Variants in SNX19 observed in about 807,000 individuals in gnomAD.
SNX19 encodes sorting nexin-19.
A neutral mutation model predicts 85.2 loss-of-function variants in SNX19; 60 were observed. That is an observed-to-expected ratio of 0.70 (90% CI 0.57 to 0.87). SNX19 has a LOEUF of 0.87. SNX19 is among the 40% of genes least tolerant of loss of function. The probability of loss-of-function intolerance (pLI) is 0.00; values close to 1 mark genes in which losing one functional copy is unlikely to be tolerated. For synonymous variants in SNX19, 520 were observed against 470.0 expected (o/e 1.11, Z -1.38); for missense variants, 1,201 against 1,217.8 (o/e 0.99, Z 0.21).
rs749968366 is a variant in SNX19 at position 130,915,899 on chromosome 11, G to A, written c.41C>T (p.Ala14Val). The A allele has an allele frequency of 1.2e-6, 2 of 1,614,116 alleles. No homozygotes were observed. The highest frequency in any genetic ancestry group is 1.7e-6 in the Non-Finnish European group (2 of 1,179,950). ...GTTATTGAGGTGACAGCTCGATCCA[G>A]CTGGAGTTTCCTGGAACGGTGGCAC... ...ETVPPFQETP[A>V]GSSCHLNNLL... The change falls in exon 1 of 11, where the codon GCT (alanine) becomes GTT (valine). Residue 14 changes from alanine (A) to valine (V), a missense_variant. Ala to Val is a moderately conservative substitution (Grantham distance 64, BLOSUM62 0). Transcript: ENST00000265909.
intron 1 of SNX19, among the ~76,000 whole-genome samples, chr11:130,913,782 T>C (rs1946329981): frequency 6.6e-6 from 1 of 152,202 alleles, no homozygotes; most frequent in Non-Finnish European, 1.5e-5. Context: ...TAAGCAGACT[T>C]GGGAACAACT....
intron 4 of SNX19, 67 bp downstream of exon 4, chr11:130,909,951 C>T (rs1945962100): frequency 2.5e-6 from 4 of 1,598,778 alleles, no homozygotes; most frequent in Non-Finnish European, 2.6e-6. Context: ...AGGACTGCCT[C>T]CATTCTGATG....
chr11:130,877,872 C>T lies in SNX19; in HGVS notation c.*550G>A, dbSNP rs946897654. On this transcript the variant is annotated 3_prime_UTR_variant, in exon 11 of 11. Transcript: ENST00000265909. ...AAGAAGTTCCTTGAAAAATTTTCTT[C>T]CCTCCTTCTTCTTCTGGAACTGTTG... The T allele has an allele frequency of 2.0e-5, 3 of 152,438 alleles. No individual in the cohort carries two copies. Among genetic ancestry groups the T allele is most frequent in the Non-Finnish European group, 4.4e-5 (3 of 68,064 alleles). The allele number at this position is 152,438 out of a possible 1,614,324, so 9.4% of individuals were successfully genotyped here.
At chr11:130,901,019 A>T (rs1945224727) in intron 8 of SNX19, among the ~76,000 whole-genome samples, 1 of 152,224 alleles carries the variant, frequency 6.6e-6, no homozygotes, top group African/African-American at 2.4e-5. Context: ...TCCGGTCCTT[A>T]AAGAACTAAT....
rs778147893 is a variant in SNX19, at chr11:130,910,335, G to T, written c.1849C>A (p.Pro617Thr). 6.2e-7 allele frequency: 1 copy of T among 1,607,820 alleles called. No homozygotes were observed. Among genetic ancestry groups the T allele is most frequent in the African/African-American group, 1.4e-5 (1 of 73,296 alleles). ...KGPKKLFPDLPLGNMDSDRVE... is the reference protein window; with the variant it reads ...KGPKKLFPDLTLGNMDSDRVE... ...CTGTCACTGTCCATGTTTCCCAATGGAAGATCTGGAAAGAGCTTTTTAGGA... is the reference window on the plus strand; with the variant it reads ...CTGTCACTGTCCATGTTTCCCAATGTAAGATCTGGAAAGAGCTTTTTAGGA... The change falls in exon 3 of 11, where the codon CCA becomes ACA. Residue 617 changes from proline to threonine, a missense_variant. By Grantham distance (38) the Pro-to-Thr change is conservative. Around this residue, in one of 3 missense-constraint regions of SNX19, gnomAD observed 125 missense variants for 171.6 expected, o/e 0.73. Transcript: ENST00000265909.
At chr11:130,895,109 G>C (rs555975189) in intron 8 of SNX19, 2 of 985,414 alleles carry the variant, frequency 2.0e-6, no homozygotes, top group Non-Finnish European at 2.4e-6. Context: ...GGGCAGGCTC[G>C]GTGGGGCTTC....
chr11:130,914,389 G>A lies in SNX19; in HGVS notation c.1551C>T (p.Ser517=), dbSNP rs151247230. The A allele has an allele frequency of 1.3e-3, 2,071 of 1,613,814 alleles. 1 individual carries two copies. The highest frequency in any genetic ancestry group is 1.7e-3 in the Non-Finnish European group (1,977 of 1,179,868). ...PPGPLSSATF[S]FEPLSSPDGP... is the part of the protein sequence containing the mutation. ...CATCGGGACTGCTTAGGGGCTCAAA[G>A]CTGAAGGTGGCTGAGCTGAGAGGAC... Residue 517 remains serine (S), a synonymous_variant, in exon 1 of 11, where the codon AGC becomes AGT. Transcript: ENST00000265909.
chr11:130,903,716 T>TACAC (rs35654790), intron 7 of SNX19, among the ~76,000 whole-genome samples: 12,587 of 143,286 alleles, frequency 0.088, 574 homozygotes, highest in East Asian at 0.17. Context: ...TATATACACA[T>TACAC]ACACACACAC....
intron 8 of SNX19, among the ~76,000 whole-genome samples, chr11:130,891,115 T>C (rs563053099): frequency 2.6e-5 from 4 of 152,290 alleles, no homozygotes; most frequent in African/African-American, 9.6e-5. Context: ...AGGAAGACAA[T>C]TATAGATTTT....
intron 2 of SNX19, among the ~76,000 whole-genome samples, chr11:130,910,696 C>T (rs1236290794): frequency 2.0e-5 from 3 of 152,162 alleles, no homozygotes; most frequent in Non-Finnish European, 4.4e-5. Context: ...ATCTCACAGG[C>T]TGACGGGAGC....
At chr11:130,883,607 C>T (rs570796746) in intron 8 of SNX19, among the ~76,000 whole-genome samples, 2 of 152,314 alleles carry the variant, frequency 1.3e-5, no homozygotes, top group African/African-American at 2.4e-5. Flanking sequence ...ACTTGCACCA[C>T]GCATGGTTTA....
chr11:130,910,577 C>A (rs1326223393), intron 2 of SNX19, among the ~76,000 whole-genome samples: 1 of 151,992 alleles, frequency 6.6e-6, no homozygotes, highest in Non-Finnish European at 1.5e-5. Flanking sequence ...GTCCAGAGAC[C>A]CAAGTTTAAA....
intron 8 of SNX19, among the ~76,000 whole-genome samples, chr11:130,896,671 T>A (rs1944898084): frequency 6.6e-6 from 1 of 152,202 alleles, no homozygotes; most frequent in African/African-American, 2.4e-5. Context: ...GAACGTTATT[T>A]TATCTGAATG....
chr11:130,914,340 G>A lies in SNX19; in HGVS notation c.1600C>T (p.Arg534Cys), dbSNP rs752088578. 20 of 1,613,288 alleles carry A rather than the reference G, an allele frequency of 1.2e-5. No homozygotes were observed. The highest frequency in any genetic ancestry group is 1.5e-5 in the Non-Finnish European group (18 of 1,179,632). The change falls in exon 1 of 11, where the codon CGT becomes TGT. Residue 534 changes from arginine to cysteine, a missense_variant. Arg to Cys is a radical substitution (Grantham distance 180, BLOSUM62 -3). This residue lies in a region of SNX19 where 791 missense variants were observed against 750.9 expected (regional missense o/e 1.05). Coordinates refer to ENST00000265909, the MANE Select transcript of SNX19 (RefSeq NM_014758.3). ...PDGPVIIQNL[R>C]ITGTITAREH... ...CGGGCTGTAATGGTGCCAGTGATAC[G>A]AAGGTTCTGGATGATAACTGGACCA... is the stretch of plus-strand genomic sequence containing the variant.
intron 8 of SNX19, among the ~76,000 whole-genome samples, chr11:130,889,658 G>A (rs1457734644): frequency 6.6e-6 from 1 of 151,964 alleles, no homozygotes; most frequent in African/African-American, 2.4e-5. Flanking sequence ...TTTCCTTTCT[G>A]TGTCAGCTGT....
intron 8 of SNX19, chr11:130,893,655 T>G: frequency 1.6e-6 from 1 of 614,614 alleles, no homozygotes; most frequent in Non-Finnish European, 2.9e-6. Flanking sequence ...AATAGGAACT[T>G]TGGGAGCACT....
intron 8 of SNX19, among the ~76,000 whole-genome samples, chr11:130,886,125 G>T (rs1944048341): frequency 6.6e-6 from 1 of 152,172 alleles, no homozygotes; most frequent in South Asian, 2.1e-4. Context: ...GGATATAATT[G>T]TATCAGGCTA....
Position 130,906,010 on chromosome 11 carries a change from C to A in SNX19, c.2386G>T (p.Asp796Tyr). 6.2e-7 allele frequency: 1 copy of A among 1,614,214 alleles called. No individual in the cohort carries two copies. Among genetic ancestry groups the A allele is most frequent in the Non-Finnish European group, 8.5e-7 (1 of 1,180,042 alleles). Reference protein sequence around the residue: ...DPEQPPKGRVDSCVSDAAVPA... With the variant: ...DPEQPPKGRVYSCVSDAAVPA... The stretch of plus-strand genomic sequence containing the variant: ...ACGGCTGCATCTGACACGCAACTGT[C>A]CACACGTCCTTTGGGAGGTTGTTCA... The change falls in exon 7 of 11, where the codon GAC becomes TAC. Residue 796 changes from aspartate to tyrosine, a missense_variant. By Grantham distance (160) the Asp-to-Tyr change is radical. Around this residue, in one of 3 missense-constraint regions of SNX19, gnomAD observed 285 missense variants for 295.3 expected, o/e 0.97. Coordinates refer to ENST00000265909, the MANE Select transcript of SNX19 (RefSeq NM_014758.3).
Position 130,915,203 on chromosome 11 carries a change from A to C in SNX19, c.737T>G (p.Val246Gly). The C allele has an allele frequency of 3.1e-6, 5 of 1,614,260 alleles. No homozygotes were observed. The highest frequency in any genetic ancestry group is 4.2e-6 in the Non-Finnish European group (5 of 1,180,050). The change falls in exon 1 of 11, where the codon GTA (valine) becomes GGA (glycine). Residue 246 changes from valine to glycine, a missense_variant. This residue lies in a region of SNX19 where 791 missense variants were observed against 750.9 expected (regional missense o/e 1.05). Coordinates refer to ENST00000265909, the MANE Select transcript of SNX19 (RefSeq NM_014758.3). Reference protein sequence around the residue: ...HVVVELITCNVILPLISRLSD... With the variant: ...HVVVELITCNGILPLISRLSD... ...CAGCCTGCTGATCAGTGGTAAGATT[A>C]CATTGCATGTGATGAGTTCGACCAC...
Sources: allele counts gnomAD v4.1 joint callset (sites outside exome capture counted in the v4.1 genomes callset), GRCh38; gene constraint gnomAD v4.1.1; regional missense constraint gnomAD v4.1.1; transcripts MANE v1.5; gene names NCBI Gene and HGNC (gene_info 2026-07-23, HGNC 2026-07-21).